Variants in STIM2 observed in about 807,000 individuals in gnomAD.
STIM2 encodes stromal interaction molecule 2.
STIM2 carries 31 observed loss-of-function variants against 85.8 expected under a neutral mutation model. The ratio of observed to expected loss-of-function variants is 0.36; its 90% CI spans 0.27 to 0.49. STIM2 has a LOEUF of 0.49. Ranked by LOEUF, STIM2 falls within the 20% of genes least tolerant of loss-of-function variation. The pLI is 0.98. For synonymous variants in STIM2, 356 were observed against 331.1 expected, an observed-to-expected ratio of 1.08 and a Z score of -0.82; for missense variants, 841 against 927.6, an observed-to-expected ratio of 0.91 and a Z score of 1.21.
At chr4:26,916,558 T>C (rs868485271) in intron 1 of STIM2, among the ~76,000 whole-genome samples, 7 of 152,290 alleles carry the variant, frequency 4.6e-5, no homozygotes, top group African/African-American at 1.7e-4. Flanking sequence ...ATTCCCCTCC[T>C]TGAAATCCAT....
chr4:26,941,123 T>G (rs947988566), intron 2 of STIM2, among the ~76,000 whole-genome samples: 6 of 152,154 alleles, frequency 3.9e-5, no homozygotes, highest in Non-Finnish European at 8.8e-5. Flanking sequence ...TTAACCAAAG[T>G]GACCTACTGA....
At chr4:26,970,694 G>A (rs763860151) in intron 3 of STIM2, among the ~76,000 whole-genome samples, 65 of 152,138 alleles carry the variant, frequency 4.3e-4, no homozygotes, top group Middle Eastern at 6.8e-3. Context: ...GAATAGTGCC[G>A]CAATAAACAC....
chr4:26,978,890 T>G (rs1483798241), intron 3 of STIM2, among the ~76,000 whole-genome samples: 1 of 152,132 alleles, frequency 6.6e-6, no homozygotes, highest in Non-Finnish European at 1.5e-5. Flanking sequence ...TCTGGCAGCA[T>G]GGGTCATGTG....
chr4:26,931,245 T>C (rs1420003191), intron 2 of STIM2, among the ~76,000 whole-genome samples: 2 of 152,122 alleles, frequency 1.3e-5, no homozygotes, highest in Non-Finnish European at 2.9e-5. Flanking sequence ...TGACTAATGC[T>C]GGAAGTGACG....
At chr4:26,934,978 C>G (rs1008313346) in intron 2 of STIM2, among the ~76,000 whole-genome samples, 2 of 146,470 alleles carry the variant, frequency 1.4e-5, no homozygotes, top group African/African-American at 5.1e-5. Flanking sequence ...GGAAAAAAAG[C>G]AGAGAATGAG....
At chr4:26,979,408 T>C (rs975808454) in intron 3 of STIM2, among the ~76,000 whole-genome samples, 3 of 152,124 alleles carry the variant, frequency 2.0e-5, no homozygotes, top group African/African-American at 7.2e-5. Context: ...AAAAGAGAAA[T>C]AGTAATTGTC....
At chr4:26,917,363 G>A (rs1465839391) in intron 1 of STIM2, among the ~76,000 whole-genome samples, 3 of 152,066 alleles carry the variant, frequency 2.0e-5, no homozygotes, top group Non-Finnish European at 2.9e-5. Flanking sequence ...ATTTTTGTCT[G>A]TTTTGTTCAC....
chr4:26,968,309 A>G (rs990899172), intron 3 of STIM2, among the ~76,000 whole-genome samples: 1 of 152,310 alleles, frequency 6.6e-6, no homozygotes, highest in South Asian at 2.1e-4. Flanking sequence ...TGATGAATGA[A>G]TGGATAAGCA....
In STIM2 at chr4:27,021,067, AAGTG is replaced by A. The variant is rs912513512; in HGVS notation, c.1764-1448_1764-1445del. 31 of 1,536,336 alleles carry A rather than the reference AAGTG, an allele frequency of 2.0e-5. No individual in the cohort carries two copies. The East Asian group carries it at 2.2e-4, about 11-fold the overall frequency. On this transcript the variant is annotated intron_variant, in intron 11 of 11. Transcript: ENST00000467087. Reference sequence around the variant, plus strand: ...AAGTAGTAAAGCTCTCAAAAAAAAAAAGTGAGTAAGATGTGATCCCTGTTCTTTA... The same window carrying A: ...AAGTAGTAAAGCTCTCAAAAAAAAAAAGTAAGATGTGATCCCTGTTCTTTA...
intron 4 of STIM2, among the ~76,000 whole-genome samples, chr4:26,998,741 T>A (rs1407283431): frequency 3.3e-5 from 5 of 151,696 alleles, no homozygotes; most frequent in Admixed American, 2.0e-4. Flanking sequence ...TGAAACCCCA[T>A]CTCTACTAAA....
At chr4:26,928,701 T>C (rs1447797878) in intron 2 of STIM2, among the ~76,000 whole-genome samples, 1 of 152,200 alleles carries the variant, frequency 6.6e-6, no homozygotes. Context: ...CAAAGTGTTA[T>C]CACCACTCTG....
chr4:26,930,658 G>GTGT (rs1725174618), intron 2 of STIM2, among the ~76,000 whole-genome samples: 1 of 152,112 alleles, frequency 6.6e-6, no homozygotes, highest in Non-Finnish European at 1.5e-5. Flanking sequence ...CAACACAGAT[G>GTGT]TGTCTGTGGA....
chr4:26,861,425 C>G (rs1318258676), intron 1 of STIM2, 56 bp downstream of exon 1: 1 of 1,275,192 alleles, frequency 7.8e-7, no homozygotes, highest in African/African-American at 1.6e-5. Context: ...GGACCCCCAA[C>G]CCGTGCAGAG....
intron 2 of STIM2, among the ~76,000 whole-genome samples, chr4:26,933,027 G>A (rs1725260564): frequency 6.6e-6 from 1 of 152,136 alleles, no homozygotes; most frequent in South Asian, 2.1e-4. Context: ...TATGATCTGT[G>A]GATATCAAGA....
intron 2 of STIM2, among the ~76,000 whole-genome samples, chr4:26,930,775 G>T (rs1725179625): frequency 6.6e-6 from 1 of 152,138 alleles, no homozygotes; most frequent in Non-Finnish European, 1.5e-5. Context: ...GTGTCCAAAA[G>T]ATTAAATACA....
intron 1 of STIM2, among the ~76,000 whole-genome samples, chr4:26,895,736 G>GA (rs1185039030): frequency 7.2e-5 from 11 of 152,312 alleles, no homozygotes; most frequent in Non-Finnish European, 1.5e-4. Flanking sequence ...GCCAGAACAG[G>GA]AGGGCCTAAG....
intron 2 of STIM2, among the ~76,000 whole-genome samples, chr4:26,932,021 G>A (rs1358827852): frequency 6.6e-6 from 1 of 152,096 alleles, no homozygotes; most frequent in African/African-American, 2.4e-5. Flanking sequence ...TTTACTATTT[G>A]TTCCATCGTA....
intron 3 of STIM2, among the ~76,000 whole-genome samples, chr4:26,987,759 G>A (rs996225503): frequency 4.6e-5 from 7 of 152,194 alleles, no homozygotes; most frequent in African/African-American, 1.7e-4. Flanking sequence ...ATGTCTCTAG[G>A]AGAATCCTGA....
At chr4:27,018,818 G>A (rs1046511324) in intron 11 of STIM2, among the ~76,000 whole-genome samples, 7 of 152,172 alleles carry the variant, frequency 4.6e-5, no homozygotes, top group Non-Finnish European at 1.5e-5. Context: ...ACTTGAACAC[G>A]AAGAAATATC....
Sources: gnomAD v4.1 joint callset for allele counts (sites outside exome capture counted in the v4.1 genomes callset) on GRCh38, gnomAD v4.1.1 for gene constraint, MANE v1.5 for transcripts, NCBI Gene and HGNC (gene_info 2026-07-23, HGNC 2026-07-21) for gene names.